The following STAU2 variants were observed in gnomAD, a reference collection of about 807,000 sequenced individuals.
STAU2 encodes the protein double-stranded RNA-binding protein Staufen homolog 2.
STAU2 carries 20 observed loss-of-function variants against 65.9 expected under a neutral mutation model. The observed-to-expected ratio is 0.30, with a 90% CI of 0.21 to 0.44. The LOEUF (loss-of-function observed/expected upper bound fraction) is 0.44, where lower values mean the gene tolerates loss of function less well. Ranked by LOEUF, STAU2 falls within the 20% of genes least tolerant of loss-of-function variation. The pLI, the probability that STAU2 is intolerant of heterozygous loss-of-function variation, is 1.00. For synonymous variants in STAU2, 232 were observed against 233.9 expected, an observed-to-expected ratio of 0.99 and a Z score of 0.07; for missense variants, 558 against 683.9, an observed-to-expected ratio of 0.82 and a Z score of 2.05.
intron 3 of STAU2, among the ~76,000 whole-genome samples, chr8:73,731,198 G>T (rs1214649476): frequency 6.6e-6 from 1 of 152,156 alleles, no homozygotes. Context: ...CTCAGCAAAA[G>T]ACTCCAGGAG....
chr8:73,457,646 T>C (rs1233000160), intron 13 of STAU2, among the ~76,000 whole-genome samples: 1 of 152,262 alleles, frequency 6.6e-6, no homozygotes, highest in African/African-American at 2.4e-5. Flanking sequence ...TAAGTCTGGG[T>C]TTAAATACCA....
At position 73,421,332 on chromosome 8, in the gene STAU2, T is replaced by G. The variant is rs1052229155; in HGVS notation, c.*40A>C. The G allele has an allele frequency of 8.6e-6, 13 of 1,517,016 alleles. No individual in the cohort carries two copies. The African/African-American group carries it at 1.8e-4, about 21-fold the overall frequency. 94.0% of individuals were successfully genotyped at this position (1,517,016 alleles called of 1,614,324 possible). A position where few individuals can be genotyped will look rare whatever the true frequency, so the allele number is the denominator to read the frequency against. ...AGACACCCTCATGCGTGCTGACAGG[T>G]TTATAAGGATGCGGTGGCAGCCGCG... is the stretch of plus-strand genomic sequence containing the variant. On this transcript the variant is annotated 3_prime_UTR_variant, in exon 15 of 15. Transcript: ENST00000524300.
In STAU2 at chr8:73,521,610, G is replaced by A. The variant is rs138603433; in HGVS notation, c.1530+30402C>T. Among the ~76,000 whole-genome samples, 626 of 152,250 alleles carry A rather than the reference G, an allele frequency of 4.1e-3. 4 individuals carry two copies. The highest frequency in any genetic ancestry group is 0.014 in the African/African-American group (594 of 41,546). On this transcript the variant is annotated intron_variant, in intron 13 of 14. Coordinates refer to ENST00000524300, the MANE Select transcript of STAU2 (RefSeq NM_001164380.2). ...TTAAAATGGTGATACACATTCAGAAGGAACTGCATTTCCAATTTTGAACTT... is the reference window on the plus strand; with the variant it reads ...TTAAAATGGTGATACACATTCAGAAAGAACTGCATTTCCAATTTTGAACTT...
At chr8:73,577,440 A>ATT (rs10689082) in intron 12 of STAU2, among the ~76,000 whole-genome samples, 4 of 104,138 alleles carry the variant, frequency 3.8e-5, no homozygotes, top group South Asian at 2.5e-4. Context: ...AAAAAAAAAA[A>ATT]TTATATATAT....
At chr8:73,720,548 C>G (rs1236704516) in intron 3 of STAU2, among the ~76,000 whole-genome samples, 2 of 52,250 alleles carry the variant, frequency 3.8e-5, no homozygotes, top group African/African-American at 2.0e-4. Context: ...CTCTGTCGCC[C>G]AGGCCGGACT....
intron 13 of STAU2, among the ~76,000 whole-genome samples, chr8:73,457,102 C>T (rs539005739): frequency 6.6e-6 from 1 of 152,298 alleles, no homozygotes; most frequent in African/African-American, 2.4e-5. Flanking sequence ...CCTCTCTGGC[C>T]TTTTCTAGCT....
At chr8:73,716,200 T>A (rs1467934309) in intron 3 of STAU2, among the ~76,000 whole-genome samples, 2 of 152,056 alleles carry the variant, frequency 1.3e-5, no homozygotes, top group African/African-American at 4.8e-5. Context: ...GCCATTCTCC[T>A]GCCTCAGCCT....
At chr8:73,474,161 C>T in intron 13 of STAU2, among the ~76,000 whole-genome samples, 1 of 151,866 alleles carries the variant, frequency 6.6e-6, no homozygotes, top group Non-Finnish European at 1.5e-5. Context: ...AACAAAAAAA[C>T]AAAAAAACCC....
chr8:73,422,100 C>T (rs553276850), intron 14 of STAU2, among the ~76,000 whole-genome samples: 4 of 152,164 alleles, frequency 2.6e-5, no homozygotes, highest in East Asian at 3.9e-4. Flanking sequence ...ATCTTTTGCC[C>T]GTGTAGCCCT....
chr8:73,512,640 GGT>G (rs1316190230), intron 13 of STAU2, among the ~76,000 whole-genome samples: 2 of 151,234 alleles, frequency 1.3e-5, no homozygotes, highest in Admixed American at 1.3e-4. Flanking sequence ...GTTCTAATAG[GGT>G]GTGTGTGTGT....
rs369617890 is a variant in STAU2 at position 73,713,465 on chromosome 8, T to G, written c.-17-4303A>C. 2.6e-5 allele frequency among the ~76,000 whole-genome samples: 4 copies of G among 152,014 alleles called. No homozygotes were observed. In the East Asian group the frequency reaches 5.8e-4, roughly 22 times the overall value. On this transcript the variant is annotated intron_variant, in intron 3 of 14. Coordinates refer to ENST00000524300, the MANE Select transcript of STAU2 (RefSeq NM_001164380.2). ...TAGACAAACACAATAAATCACAATA[T>G]AAGTACTATAATAAGGCTGTTACAA...
intron 2 of STAU2, among the ~76,000 whole-genome samples, chr8:73,738,691 A>C (rs938382636): frequency 6.6e-6 from 1 of 152,186 alleles, no homozygotes; most frequent in Non-Finnish European, 1.5e-5. Context: ...TTCTAAGACA[A>C]TCCCAACAAA....
chr8:73,475,279 CA>C (rs1211637420), intron 13 of STAU2, among the ~76,000 whole-genome samples: 1 of 151,550 alleles, frequency 6.6e-6, no homozygotes. Context: ...AGAAGTTTTT[CA>C]AAAAAAATGG....
At chr8:73,535,699 C>T (rs937572681) in intron 13 of STAU2, among the ~76,000 whole-genome samples, 5 of 152,094 alleles carry the variant, frequency 3.3e-5, no homozygotes, top group South Asian at 2.1e-4. Context: ...CATTTACATA[C>T]GTAAAAGAAG....
chr8:73,618,225 T>A (rs1812980259), intron 6 of STAU2, among the ~76,000 whole-genome samples: 1 of 152,136 alleles, frequency 6.6e-6, no homozygotes, highest in Non-Finnish European at 1.5e-5. Context: ...GAAAAATATG[T>A]AGAATACCTA....
chr8:73,690,822 A>G (rs1342748120), intron 4 of STAU2, among the ~76,000 whole-genome samples: 1 of 152,210 alleles, frequency 6.6e-6, no homozygotes, highest in Non-Finnish European at 1.5e-5. Context: ...ATACCTGTTT[A>G]AAGTGATTAA....
chr8:73,636,487 T>C (rs1351713358), intron 6 of STAU2, among the ~76,000 whole-genome samples: 2 of 151,620 alleles, frequency 1.3e-5, no homozygotes. Context: ...ATTCAACATA[T>C]GAAACAGGAA....
chr8:73,729,644 A>G (rs547934091), intron 3 of STAU2, among the ~76,000 whole-genome samples: 29 of 152,232 alleles, frequency 1.9e-4, no homozygotes, highest in Admixed American at 1.6e-3. Context: ...CAATGGCATA[A>G]TCATGGATCA....
chr8:73,533,127 C>T (rs1805933791), intron 13 of STAU2, among the ~76,000 whole-genome samples: 1 of 152,152 alleles, frequency 6.6e-6, no homozygotes, highest in East Asian at 1.9e-4. Flanking sequence ...GGTTTATCAA[C>T]AGTTTAAGAT....
Sources: allele counts gnomAD v4.1 joint callset (sites outside exome capture counted in the v4.1 genomes callset), GRCh38; gene constraint gnomAD v4.1.1; transcripts MANE v1.5; gene names NCBI Gene and HGNC (gene_info 2026-07-23, HGNC 2026-07-21).